SPECC1: variants seen among roughly 807,000 people sequenced by gnomAD.
SPECC1 encodes the protein sperm antigen with calponin homology and coiled-coil domains 1.
Under a neutral mutation model 104.1 loss-of-function variants are expected in SPECC1, and 62 were observed. The ratio of observed to expected loss-of-function variants is 0.60; its 90% CI spans 0.49 to 0.74. SPECC1 has a LOEUF of 0.74. Ranked by LOEUF, SPECC1 falls within the 30% of genes least tolerant of loss-of-function variation. SPECC1 has a pLI of 0.00. For missense variants in SPECC1, 1,306 were observed against 1,310.5 expected, an observed-to-expected ratio of 1.00 and a Z score of 0.05; for synonymous variants, 513 against 501.6, an observed-to-expected ratio of 1.02 and a Z score of -0.30.
chr17:20,137,645 T>A (rs557705953), intron 3 of SPECC1, among the ~76,000 whole-genome samples: 1 of 152,318 alleles, frequency 6.6e-6, no homozygotes, highest in East Asian at 1.9e-4. Context: ...AAGGTTTTTT[T>A]AAAATTAAAT....
chr17:20,081,703 A>T (rs1283148038), intron 1 of SPECC1, among the ~76,000 whole-genome samples: 1 of 152,094 alleles, frequency 6.6e-6, no homozygotes, highest in African/African-American at 2.4e-5. Context: ...CGGAATGTAG[A>T]GCCCACGGGT....
intron 3 of SPECC1, chr17:20,112,793 C>T (rs1246230861): frequency 3.4e-5 from 50 of 1,454,474 alleles, no homozygotes; most frequent in Non-Finnish European, 4.0e-5. Flanking sequence ...AGGAATTAAC[C>T]TGAGAGTGAC....
chr17:20,312,256 T>C (rs1290468080), intron 14 of SPECC1, among the ~76,000 whole-genome samples: 1 of 152,142 alleles, frequency 6.6e-6, no homozygotes, highest in African/African-American at 2.4e-5. Flanking sequence ...TTTTGGAGGG[T>C]CTTAACTACT....
At chr17:20,214,136 C>T (rs1279094017) in intron 4 of SPECC1, among the ~76,000 whole-genome samples, 1 of 152,202 alleles carries the variant, frequency 6.6e-6, no homozygotes, top group East Asian at 1.9e-4. Flanking sequence ...ATGGAACCCA[C>T]GCCCTGCGGC....
At chr17:20,178,735 A>C (rs897991404) in intron 3 of SPECC1, among the ~76,000 whole-genome samples, 11 of 152,364 alleles carry the variant, frequency 7.2e-5, no homozygotes, top group South Asian at 6.2e-4. Flanking sequence ...GAGACCTAAT[A>C]ATTGAATGAT....
chr17:20,282,398 C>G (rs1371245121), intron 12 of SPECC1, among the ~76,000 whole-genome samples: 1 of 152,188 alleles, frequency 6.6e-6, no homozygotes, highest in Non-Finnish European at 1.5e-5. Context: ...TTCGCAGTCT[C>G]AAACCCTCGG....
intron 3 of SPECC1, among the ~76,000 whole-genome samples, chr17:20,188,933 T>C (rs2035468771): frequency 6.6e-6 from 1 of 152,206 alleles, no homozygotes; most frequent in Non-Finnish European, 1.5e-5. Flanking sequence ...TTTCTCCAGT[T>C]ACAAATTCAG....
chr17:20,239,063 A>C, intron 7 of SPECC1: 1 of 1,032,878 alleles, frequency 9.7e-7, no homozygotes, highest in Non-Finnish European at 1.2e-6. Flanking sequence ...TTGACATGGA[A>C]TATGAACAGT....
intron 3 of SPECC1, among the ~76,000 whole-genome samples, chr17:20,184,009 T>TA (rs889227424): frequency 0.014 from 1,953 of 138,918 alleles, 35 homozygotes; most frequent in African/African-American, 0.043. Flanking sequence ...CATCTCTACT[T>TA]AAAAAAAAAA....
intron 1 of SPECC1, among the ~76,000 whole-genome samples, chr17:20,015,312 TG>T (rs200772783): frequency 4.5e-4 from 67 of 150,446 alleles, no homozygotes; most frequent in Non-Finnish European, 5.2e-4. Flanking sequence ...TTTTTTTTTT[TG>T]AGACAGAGTA....
At chr17:20,305,930 T>A in intron 13 of SPECC1, 93 bp from the exon 14 acceptor site, 1 of 1,107,920 alleles carries the variant, frequency 9.0e-7, no homozygotes, top group Non-Finnish European at 1.3e-6. Context: ...TAATAGTGAA[T>A]AATCTATATG....
chr17:20,049,216 C>T (rs1342884413), intron 1 of SPECC1, among the ~76,000 whole-genome samples: 1 of 152,132 alleles, frequency 6.6e-6, no homozygotes, highest in Non-Finnish European at 1.5e-5. Context: ...ACATTCTCAC[C>T]AACATGATGA....
At chr17:20,249,811 AT>A (rs1426907807) in intron 9 of SPECC1, among the ~76,000 whole-genome samples, 1 of 152,198 alleles carries the variant, frequency 6.6e-6, no homozygotes, top group Non-Finnish European at 1.5e-5. Context: ...CATAAGAAAC[AT>A]ATGGGATGGA....
intron 1 of SPECC1, among the ~76,000 whole-genome samples, chr17:20,079,606 T>C (rs1199872636): frequency 6.6e-6 from 1 of 152,148 alleles, no homozygotes; most frequent in Non-Finnish European, 1.5e-5. Flanking sequence ...GTTTAAAAGA[T>C]TGTCATCTGA....
chr17:20,238,055 C>T, intron 7 of SPECC1: 1 of 1,023,034 alleles, frequency 9.8e-7, no homozygotes, highest in East Asian at 6.4e-5. Context: ...TCTGTGGGGT[C>T]TTGATTGAGC....
Position 20,027,081 on chromosome 17 carries a change from C to T in SPECC1, c.-22+17657C>T, listed in dbSNP as rs368837570. On this transcript the variant is annotated intron_variant, in intron 1 of 14. Transcript: ENST00000395527. Reference sequence around the variant, plus strand: ...ATACTTGTTGGCTATTTTATACTTGCAAGGCTCCCAGAATAGCCAAAACAA... The same window carrying T: ...ATACTTGTTGGCTATTTTATACTTGTAAGGCTCCCAGAATAGCCAAAACAA... 9.9e-5 allele frequency among the ~76,000 whole-genome samples: 15 copies of T among 152,142 alleles called. No individual in the cohort carries two copies. In the South Asian group the frequency reaches 1.9e-3, roughly 19 times the overall value.
At chr17:20,244,233 CA>C (rs1290405415) in intron 7 of SPECC1, among the ~76,000 whole-genome samples, 2 of 151,424 alleles carry the variant, frequency 1.3e-5, no homozygotes, top group African/African-American at 2.4e-5. Context: ...TGTCTCAGAA[CA>C]AAAAAAAGGT....
chr17:20,298,473 T>C (rs1293522761), intron 13 of SPECC1, among the ~76,000 whole-genome samples: 1 of 152,036 alleles, frequency 6.6e-6, no homozygotes, highest in Admixed American at 6.6e-5. Flanking sequence ...ATGCAGTTAG[T>C]GGGGCCAGAG....
At chr17:20,200,545 G>A (rs564215700) in intron 3 of SPECC1, among the ~76,000 whole-genome samples, 1 of 152,148 alleles carries the variant, frequency 6.6e-6, no homozygotes, top group African/African-American at 2.4e-5. Context: ...CTGTTCCACT[G>A]GCCCTTCTCT....
Sources: gnomAD v4.1 joint callset for allele counts (sites outside exome capture counted in the v4.1 genomes callset) on GRCh38, gnomAD v4.1.1 for gene constraint, MANE v1.5 for transcripts, NCBI Gene and HGNC (gene_info 2026-07-23, HGNC 2026-07-21) for gene names.